CFAP44: variants seen among roughly 807,000 people sequenced by gnomAD.
CFAP44 encodes cilia and flagella associated protein 44.
CFAP44 carries 134 observed loss-of-function variants against 216.2 expected under a neutral mutation model. The ratio of observed to expected loss-of-function variants is 0.62; its 90% CI spans 0.54 to 0.72. The LOEUF is 0.72. Among genes scored for constraint, CFAP44 ranks in the 30% least tolerant of loss-of-function variants. The pLI is 0.00. For synonymous variants in CFAP44, 700 were observed against 727.6 expected (o/e 0.96, Z 0.61); for missense variants, 2,035 against 2,182.1 (o/e 0.93, Z 1.34).
chr3:113,352,802 C>T (rs1450938828), intron 22 of CFAP44, among the ~76,000 whole-genome samples: 1 of 152,096 alleles, frequency 6.6e-6, no homozygotes. Flanking sequence ...AAAAAGGATG[C>T]AGATTATTCA....
At chr3:113,306,475 T>C (rs1360382979) in intron 29 of CFAP44, 144 bp from the exon 30 acceptor site, 7 of 932,288 alleles carry the variant, frequency 7.5e-6, no homozygotes, top group Non-Finnish European at 1.1e-5. Context: ...ATGGCTTAAT[T>C]GTTCCAGGTT....
intron 28 of CFAP44, among the ~76,000 whole-genome samples, chr3:113,317,306 A>G (rs1024937280): frequency 2.6e-5 from 4 of 152,146 alleles, no homozygotes; most frequent in African/African-American, 9.7e-5. Context: ...TCTGACAGAG[A>G]GCGGCCATAG....
At chr3:113,326,696 A>C in intron 27 of CFAP44, 56 bp from the exon 28 acceptor site, 4 of 1,117,640 alleles carry the variant, frequency 3.6e-6, no homozygotes, top group Non-Finnish European at 4.9e-6. Flanking sequence ...CCAAGTTCAG[A>C]GAGCAATGTA....
intron 21 of CFAP44, among the ~76,000 whole-genome samples, chr3:113,362,046 AAT>A (rs1950546410): frequency 2.0e-5 from 3 of 151,840 alleles, no homozygotes; most frequent in Admixed American, 1.3e-4. Flanking sequence ...CTGCTGCAAG[AAT>A]ATGTTTTTCA....
intron 25 of CFAP44, among the ~76,000 whole-genome samples, chr3:113,332,756 T>C (rs1054327728): frequency 6.6e-6 from 1 of 152,124 alleles, no homozygotes; most frequent in Admixed American, 6.6e-5. Context: ...AAGAAATATA[T>C]TAGTTTGTGA....
At chr3:113,431,416 A>C (rs1935102933) in intron 2 of CFAP44, among the ~76,000 whole-genome samples, 1 of 152,154 alleles carries the variant, frequency 6.6e-6, no homozygotes, top group Non-Finnish European at 1.5e-5. Flanking sequence ...TAAATCCATC[A>C]AGGGAAAGTT....
chr3:113,294,030 T>C, intron 34 of CFAP44: 1 of 456,696 alleles, frequency 2.2e-6, no homozygotes, highest in Non-Finnish European at 4.4e-6. Flanking sequence ...TTAGACCATT[T>C]CCAGGGTTCT....
chr3:113,327,633 CTT>C lies in CFAP44; in HGVS notation c.4301_4302del (p.Lys1434ArgfsTer11), dbSNP rs753503185. 31 of 1,536,734 alleles carry C rather than the reference CTT, an allele frequency of 2.0e-5. No homozygotes were observed. Among genetic ancestry groups the C allele is most frequent in the African/African-American group, 2.7e-5 (2 of 73,042 alleles). On this transcript the variant is annotated frameshift_variant, in exon 27 of 35. Coordinates refer to ENST00000393845, the MANE Select transcript of CFAP44 (RefSeq NM_001164496.2). LOFTEE classifies it high-confidence loss of function. ...ACTCATACTTGCATGTACTGTTCCT[CTT>C]TGTCTAAGGAATTAACACGTTCTTG... ...ILQERVNSLD[K>X]EEQYMQWKIN...
chr3:113,420,653 G>A (rs1428572408), intron 4 of CFAP44, among the ~76,000 whole-genome samples: 2 of 152,158 alleles, frequency 1.3e-5, no homozygotes, highest in Non-Finnish European at 2.9e-5. Context: ...TGCCTGTTAA[G>A]TTTGTTGACT....
At chr3:113,422,129 GA>G (rs1934833914) in intron 4 of CFAP44, among the ~76,000 whole-genome samples, 1 of 151,996 alleles carries the variant, frequency 6.6e-6, no homozygotes, top group Admixed American at 6.6e-5. Flanking sequence ...CTCAATCTAT[GA>G]AAAAAACTAG....
At chr3:113,432,425 T>G (rs981371882) in intron 2 of CFAP44, among the ~76,000 whole-genome samples, 6 of 152,222 alleles carry the variant, frequency 3.9e-5, no homozygotes, top group African/African-American at 1.4e-4. Flanking sequence ...CAAGTAATGC[T>G]AAAAGACTTG....
chr3:113,360,314 T>C (rs992083915), intron 21 of CFAP44: 3 of 212,360 alleles, frequency 1.4e-5, no homozygotes, highest in Admixed American at 8.5e-5. Flanking sequence ...TGTAGAAACA[T>C]GTAGATTGTA....
intron 28 of CFAP44, among the ~76,000 whole-genome samples, chr3:113,313,771 T>C (rs543744749): frequency 2.6e-5 from 4 of 152,350 alleles, no homozygotes; most frequent in South Asian, 2.1e-4. Context: ...GCCACCACCA[T>C]GTAAGAAGTG....
chr3:113,343,043 TTTTC>T (rs1360798980), intron 23 of CFAP44, among the ~76,000 whole-genome samples: 31 of 147,130 alleles, frequency 2.1e-4, no homozygotes, highest in African/African-American at 3.5e-4. Context: ...AACAAGTTTC[TTTTC>T]TTTCTTTCTT....
At chr3:113,307,050 C>T (rs925183322) in intron 29 of CFAP44, among the ~76,000 whole-genome samples, 1 of 152,054 alleles carries the variant, frequency 6.6e-6, no homozygotes, top group Non-Finnish European at 1.5e-5. Flanking sequence ...ATTACAGATC[C>T]CAAAACTTGT....
intron 28 of CFAP44, among the ~76,000 whole-genome samples, chr3:113,314,557 A>G (rs1394946162): frequency 1.2e-4 from 18 of 152,222 alleles, no homozygotes; most frequent in Non-Finnish European, 1.5e-4. Flanking sequence ...GAAAGCAAAC[A>G]ATAAAAGAAG....
intron 17 of CFAP44, among the ~76,000 whole-genome samples, chr3:113,377,515 T>C (rs1039562271): frequency 6.6e-6 from 1 of 151,478 alleles, no homozygotes; most frequent in Non-Finnish European, 1.5e-5. Context: ...ATATATAAAA[T>C]GCAAAAAAAA....
At chr3:113,432,394 C>T (rs1935128948) in intron 2 of CFAP44, among the ~76,000 whole-genome samples, 1 of 152,180 alleles carries the variant, frequency 6.6e-6, no homozygotes, top group Admixed American at 6.5e-5. Context: ...TGTTGAAGTA[C>T]ATGCCCATAA....
chr3:113,303,866 C>T (rs1353201752), intron 32 of CFAP44, 50 bp downstream of exon 32: 1 of 1,524,870 alleles, frequency 6.6e-7, no homozygotes, highest in South Asian at 1.2e-5. Flanking sequence ...GGATAATTCC[C>T]TTTCTTACCA....
Sources: gnomAD v4.1 joint callset for allele counts (sites outside exome capture counted in the v4.1 genomes callset) on GRCh38, gnomAD v4.1.1 for gene constraint, MANE v1.5 for transcripts, NCBI Gene and HGNC (gene_info 2026-07-23, HGNC 2026-07-21) for gene names.